PCDH9: variants seen among roughly 807,000 people sequenced by gnomAD.
The protein encoded by PCDH9 is protocadherin 9.
A neutral mutation model predicts 70.6 loss-of-function variants in PCDH9; 24 were observed. The ratio of observed to expected loss-of-function variants is 0.34; its 90% confidence interval spans 0.25 to 0.48. The LOEUF is 0.48. PCDH9 is among the 20% of genes least tolerant of loss of function. The pLI is 0.99. For missense variants in PCDH9, 1,281 were observed against 1,503.6 expected (o/e 0.85, Z 2.45); for synonymous variants, 562 against 558.5 (o/e 1.01, Z -0.09).
chr13:67,070,700 G>A (rs560786440), intron 2 of PCDH9, among the ~76,000 whole-genome samples: 64 of 152,202 alleles, frequency 4.2e-4, no homozygotes, highest in African/African-American at 1.5e-3. Flanking sequence ...TGTAAATTAT[G>A]CATCTTAATA....
chr13:67,142,409 TA>T (rs1317205072), intron 2 of PCDH9, among the ~76,000 whole-genome samples: 2 of 152,204 alleles, frequency 1.3e-5, no homozygotes, highest in Non-Finnish European at 2.9e-5. Flanking sequence ...TTAGGACTTA[TA>T]ATTTATTTTG....
At chr13:66,924,189 C>T (rs2082681345) in intron 2 of PCDH9, among the ~76,000 whole-genome samples, 1 of 151,762 alleles carries the variant, frequency 6.6e-6, no homozygotes, top group Non-Finnish European at 1.5e-5. Flanking sequence ...CTTCTAAACC[C>T]TTATCAAATC....
chr13:66,898,861 C>T (rs143699428), intron 3 of PCDH9, among the ~76,000 whole-genome samples: 27 of 151,962 alleles, frequency 1.8e-4, no homozygotes, highest in South Asian at 4.1e-4. Context: ...AACTGAGCCC[C>T]GTTGTACTCT....
chr13:66,701,552 T>C (rs1315842112), intron 3 of PCDH9, among the ~76,000 whole-genome samples: 2 of 152,182 alleles, frequency 1.3e-5, no homozygotes, highest in African/African-American at 4.8e-5. Flanking sequence ...TTAATTACCA[T>C]GATTGTCTTT....
intron 2 of PCDH9, among the ~76,000 whole-genome samples, chr13:66,969,986 T>C (rs951672988): frequency 2.6e-5 from 4 of 152,064 alleles, no homozygotes; most frequent in African/African-American, 9.7e-5. Context: ...AGTGCATGTA[T>C]GTGCATTTTA....
At chr13:66,908,447 A>G (rs2139611461) in intron 2 of PCDH9, among the ~76,000 whole-genome samples, 1 of 152,344 alleles carries the variant, frequency 6.6e-6, no homozygotes, top group East Asian at 1.9e-4. Flanking sequence ...TGTTTAAGCA[A>G]TTACACCCAT....
chr13:66,779,849 C>CTCTATATATATATATA (rs1395244975), intron 3 of PCDH9, among the ~76,000 whole-genome samples: 9 of 78,910 alleles, frequency 1.1e-4, no homozygotes, highest in African/African-American at 4.6e-4. Context: ...CTCTCTCTCT[C>CTCTATATATATATATA]TATATATATA....
At chr13:66,472,160 C>T (rs1958631026) in intron 4 of PCDH9, among the ~76,000 whole-genome samples, 1 of 146,076 alleles carries the variant, frequency 6.8e-6, no homozygotes, top group Non-Finnish European at 1.5e-5. Flanking sequence ...TACAGTGAGC[C>T]GATATCGTGC....
At chr13:66,688,408 G>T (rs1384085344) in intron 3 of PCDH9, among the ~76,000 whole-genome samples, 1 of 152,090 alleles carries the variant, frequency 6.6e-6, no homozygotes, top group Non-Finnish European at 1.5e-5. Flanking sequence ...CCACGGAAGG[G>T]ATATGTGGTT....
chr13:66,429,583 C>T (rs1957734959), intron 4 of PCDH9, among the ~76,000 whole-genome samples: 1 of 151,780 alleles, frequency 6.6e-6, no homozygotes, highest in Admixed American at 6.6e-5. Flanking sequence ...AACGGAAGAG[C>T]TCCCTCAGAG....
chr13:66,911,635 A>T (rs965867775), intron 2 of PCDH9, among the ~76,000 whole-genome samples: 1 of 152,152 alleles, frequency 6.6e-6, no homozygotes, highest in African/African-American at 2.4e-5. Flanking sequence ...TACACTTTAC[A>T]ATTTTTCCAT....
chr13:66,875,173 G>T (rs2081781271), intron 3 of PCDH9, among the ~76,000 whole-genome samples: 1 of 152,078 alleles, frequency 6.6e-6, no homozygotes, highest in Non-Finnish European at 1.5e-5. Flanking sequence ...TTTCAAATAT[G>T]ATGCCAGCGG....
intron 2 of PCDH9, among the ~76,000 whole-genome samples, chr13:67,059,449 T>G (rs181371278): frequency 9.3e-4 from 135 of 145,926 alleles, no homozygotes; most frequent in African/African-American, 3.2e-3. Context: ...ATATAAGTGT[T>G]ATAAAGAAAA....
intron 4 of PCDH9, among the ~76,000 whole-genome samples, chr13:66,432,031 G>C (rs1957779935): frequency 1.3e-5 from 2 of 152,032 alleles, no homozygotes; most frequent in African/African-American, 4.8e-5. Flanking sequence ...TTTATTCGTT[G>C]TGTTTTTCAT....
At chr13:66,505,588 G>T (rs2138571036) in intron 4 of PCDH9, among the ~76,000 whole-genome samples, 1 of 152,220 alleles carries the variant, frequency 6.6e-6, no homozygotes, top group East Asian at 1.9e-4. Context: ...CACAATCATG[G>T]TGGAAGGTGA....
chr13:67,163,719 G>A (rs1168247476), intron 2 of PCDH9, among the ~76,000 whole-genome samples: 2 of 152,148 alleles, frequency 1.3e-5, no homozygotes, highest in South Asian at 2.1e-4. Context: ...AGAGATATGC[G>A]ATCACTTGTA....
intron 4 of PCDH9, among the ~76,000 whole-genome samples, chr13:66,331,554 A>G (rs1955941645): frequency 6.6e-6 from 1 of 152,224 alleles, no homozygotes; most frequent in African/African-American, 2.4e-5. Context: ...TTTAAGTAAT[A>G]TAAAATGGCC....
intron 3 of PCDH9, among the ~76,000 whole-genome samples, chr13:66,792,875 C>T (rs1472670938): frequency 1.3e-5 from 2 of 152,036 alleles, no homozygotes; most frequent in African/African-American, 4.8e-5. Context: ...ATACTAAATT[C>T]AAGCAACCTG....
At chr13:66,852,771 T>G (rs781074212) in intron 3 of PCDH9, among the ~76,000 whole-genome samples, 1 of 150,228 alleles carries the variant, frequency 6.7e-6, no homozygotes, top group Admixed American at 6.6e-5. Context: ...ATGACTCAAG[T>G]AGACGGTGTA....
Sources: gnomAD v4.1 joint callset for allele counts (sites outside exome capture counted in the v4.1 genomes callset) on GRCh38, gnomAD v4.1.1 for gene constraint, MANE v1.5 for transcripts, NCBI Gene and HGNC (gene_info 2026-07-23, HGNC 2026-07-21) for gene names.